Variants in FSD1L observed in about 807,000 individuals in gnomAD.
FSD1L encodes fibronectin type III and SPRY domain containing 1 like.
In FSD1L, 45 loss-of-function variants were observed where a neutral mutation model predicts 71.6. That is an observed-to-expected ratio of 0.63 (90% CI 0.49 to 0.81). FSD1L has a LOEUF of 0.81. Among genes scored for constraint, FSD1L ranks in the 30% least tolerant of loss-of-function variants. FSD1L has a pLI of 0.00. For synonymous variants in FSD1L, 197 were observed against 207.2 expected (o/e 0.95, Z 0.42); for missense variants, 561 against 618.1 (o/e 0.91, Z 0.98).
intron 10 of FSD1L, among the ~76,000 whole-genome samples, chr9:105,527,764 T>C (rs909747642): frequency 1.3e-5 from 2 of 151,136 alleles, no homozygotes; most frequent in Admixed American, 1.3e-4. Context: ...TCACCACTCC[T>C]ACTCAACATA....
chr9:105,539,308 C>A lies in FSD1L; in HGVS notation c.1424C>A (p.Ser475Tyr). 6.6e-7 allele frequency: 1 copy of A among 1,508,442 alleles called. No individual in the cohort carries two copies. Among genetic ancestry groups the A allele is most frequent in the Non-Finnish European group, 8.9e-7 (1 of 1,119,626 alleles). 93.4% of individuals were successfully genotyped at this position (1,508,442 alleles called of 1,614,324 possible). Residue 475 changes from serine (S) to tyrosine (Y), a missense_variant, in exon 13 of 14, where the codon TCC becomes TAC. By Grantham distance (144) the Ser-to-Tyr change is moderately radical. Around this residue, in one of 3 missense-constraint regions of FSD1L, gnomAD observed 98 missense variants for 102.3 expected, o/e 0.96. Coordinates refer to ENST00000481272, the MANE Select transcript of FSD1L (RefSeq NM_001145313.3). Reference protein sequence around the residue: ...YDANSKQLLYSFKTKFTQPVL... With the variant: ...YDANSKQLLYYFKTKFTQPVL... ...GCAAATTCTAAACAGTTGCTATATT[C>A]CTTTAAGACAAAATTTACTCAGCCA...
intron 7 of FSD1L, among the ~76,000 whole-genome samples, chr9:105,489,752 G>A (rs910554502): frequency 3.3e-5 from 5 of 152,186 alleles, no homozygotes; most frequent in African/African-American, 4.8e-5. Flanking sequence ...GAGAATATGC[G>A]GTGTTAGGTT....
At chr9:105,545,678 T>A (rs576356592) in intron 13 of FSD1L, among the ~76,000 whole-genome samples, 9 of 152,292 alleles carry the variant, frequency 5.9e-5, no homozygotes, top group African/African-American at 1.7e-4. Flanking sequence ...TCTATTGAGA[T>A]AATCATGTGG....
intron 13 of FSD1L, among the ~76,000 whole-genome samples, chr9:105,545,807 A>C (rs957427273): frequency 5.3e-5 from 8 of 152,158 alleles, no homozygotes; most frequent in Admixed American, 1.3e-4. Flanking sequence ...GATAAGTAAT[A>C]GAACATGGGA....
Position 105,552,007 on chromosome 9 carries a change from G to A in FSD1L, c.*5524G>A, listed in dbSNP as rs1015135186. ...AAAAGATGAAGCATTTCAAAATCTTGTTAACCTGGTTATCTCTTGGTATCT... is the reference window on the plus strand; with the variant it reads ...AAAAGATGAAGCATTTCAAAATCTTATTAACCTGGTTATCTCTTGGTATCT... On this transcript the variant is annotated 3_prime_UTR_variant, in exon 14 of 14. Transcript: ENST00000481272. The A allele has an allele frequency of 7.2e-5, 11 of 152,160 alleles. No homozygotes were observed. Among genetic ancestry groups the A allele is most frequent in the Admixed American group, 1.3e-4 (2 of 15,276 alleles). 9.4% of individuals were successfully genotyped at this position (152,160 alleles called of 1,614,324 possible).
chr9:105,528,125 T>A (rs1835643514), intron 10 of FSD1L, among the ~76,000 whole-genome samples: 1 of 152,078 alleles, frequency 6.6e-6, no homozygotes, highest in Admixed American at 6.6e-5. Flanking sequence ...AAACCACTAC[T>A]CAAGGAAATA....
intron 8 of FSD1L, among the ~76,000 whole-genome samples, chr9:105,508,174 CTTTTT>C (rs11320443): frequency 3.0e-5 from 3 of 100,476 alleles, no homozygotes; most frequent in Admixed American, 1.1e-4. Flanking sequence ...ACATATCACT[CTTTTT>C]TTTTTTTTTT....
chr9:105,471,883 T>TG, intron 4 of FSD1L, 21 bp from the exon 5 acceptor site: 1 of 442,816 alleles, frequency 2.3e-6, no homozygotes, highest in Non-Finnish European at 3.3e-6. Context: ...AATGACTTAG[T>TG]TTTTTTTTTT....
chr9:105,520,829 T>C lies in FSD1L; in HGVS notation c.1025+7893T>C, dbSNP rs531246167. 5 of 1,612,244 alleles carry C rather than the reference T, an allele frequency of 3.1e-6. No individual in the cohort carries two copies. In the East Asian group the frequency reaches 1.1e-4, roughly 36 times the overall value. On this transcript the variant is annotated intron_variant, in intron 10 of 13. Transcript: ENST00000481272. ...AAGTCACTATAGAAGAAATCACTCC[T>C]CTTGTCCCCCCACAATCAGGAGATA...
At chr9:105,527,082 A>G (rs1036293631) in intron 10 of FSD1L, among the ~76,000 whole-genome samples, 1 of 144,472 alleles carries the variant, frequency 6.9e-6, no homozygotes, top group Non-Finnish European at 1.5e-5. Flanking sequence ...TCATTTTAGT[A>G]TTAACTCTTC....
intron 1 of FSD1L, among the ~76,000 whole-genome samples, chr9:105,456,650 A>G (rs1470462992): frequency 1.3e-5 from 2 of 152,160 alleles, no homozygotes; most frequent in African/African-American, 4.8e-5. Flanking sequence ...CTTAGTCTAA[A>G]TCCATAGTCA....
intron 12 of FSD1L, among the ~76,000 whole-genome samples, chr9:105,538,075 G>A (rs1322693666): frequency 6.6e-6 from 1 of 152,148 alleles, no homozygotes; most frequent in Non-Finnish European, 1.5e-5. Context: ...ATGCCAGCAG[G>A]ATAATCATGT....
chr9:105,535,911 G>A (rs1056077990), intron 12 of FSD1L, among the ~76,000 whole-genome samples: 2 of 152,166 alleles, frequency 1.3e-5, no homozygotes, highest in Non-Finnish European at 2.9e-5. Flanking sequence ...CGAATGGAAT[G>A]TTCTTAATTT....
intron 10 of FSD1L, among the ~76,000 whole-genome samples, chr9:105,517,517 A>G (rs1344762738): frequency 6.6e-6 from 1 of 152,210 alleles, no homozygotes; most frequent in Non-Finnish European, 1.5e-5. Context: ...TAACATTCTT[A>G]AAGAAAAGAA....
At position 105,537,746 on chromosome 9, in the gene FSD1L, A is replaced by T. The variant is rs190731478; in HGVS notation, c.1379-1517A>T. Among the ~76,000 whole-genome samples, 99 of 152,238 alleles carry T rather than the reference A, an allele frequency of 6.5e-4. 1 individual carries two copies. Among genetic ancestry groups the T allele is most frequent in the African/African-American group, 2.3e-3 (94 of 41,538 alleles). On this transcript the variant is annotated intron_variant, in intron 12 of 13. Transcript: ENST00000481272. ...AGAGATCGAAAGCATAGCAAGCATA[A>T]GACTTTTCGGGAAGCAGTCTTCAAG...
rs188902813 is a variant in FSD1L at position 105,541,934 on chromosome 9, G to C, written c.1467+2583G>C. Reference sequence around the variant, plus strand: ...CATGCTGCATTTGAAATTCATCCATGTTGTTGTGGTGTCAGTATTCTCCTT... The same window carrying C: ...CATGCTGCATTTGAAATTCATCCATCTTGTTGTGGTGTCAGTATTCTCCTT... On this transcript the variant is annotated intron_variant, in intron 13 of 13. Transcript: ENST00000481272. 3.3e-5 allele frequency among the ~76,000 whole-genome samples: 5 copies of C among 152,292 alleles called. No individual in the cohort carries two copies. The East Asian group carries it at 9.7e-4, about 29-fold the overall frequency.
intron 7 of FSD1L, among the ~76,000 whole-genome samples, chr9:105,496,220 T>G (rs78582522): frequency 5.3e-4 from 78 of 147,974 alleles, no homozygotes; most frequent in African/African-American, 9.8e-4. Flanking sequence ...TTTTTTTTTT[T>G]TGTGTCGGAA....
At chr9:105,452,661 G>GCCTTCCTTCCTTCCTT (rs1442328790) in intron 1 of FSD1L, among the ~76,000 whole-genome samples, 17 of 95,284 alleles carry the variant, frequency 1.8e-4, no homozygotes, top group Admixed American at 5.6e-4. Context: ...CTGCCTGCCT[G>GCCTTCCTTCCTTCCTT]CCTGCCTGCC....
At chr9:105,465,970 C>G (rs1831040176) in intron 3 of FSD1L, among the ~76,000 whole-genome samples, 1 of 151,132 alleles carries the variant, frequency 6.6e-6, no homozygotes, top group African/African-American at 2.4e-5. Context: ...TTTCCAGGTT[C>G]AAGCGATTCT....
Sources: allele counts gnomAD v4.1 joint callset (sites outside exome capture counted in the v4.1 genomes callset), GRCh38; gene constraint gnomAD v4.1.1; regional missense constraint gnomAD v4.1.1; transcripts MANE v1.5; gene names NCBI Gene and HGNC (gene_info 2026-07-23, HGNC 2026-07-21).